The following CCSER1 variants were observed in gnomAD, a reference collection of about 807,000 sequenced individuals.
CCSER1 encodes serine-rich coiled-coil domain-containing protein 1.
Under a neutral mutation model 82.0 loss-of-function variants are expected in CCSER1, and 41 were observed. The observed-to-expected ratio is 0.50, with a 90% confidence interval of 0.39 to 0.65. The LOEUF (loss-of-function observed/expected upper bound fraction) is 0.65. Ranked by LOEUF, CCSER1 falls within the 30% of genes least tolerant of loss-of-function variation. CCSER1 has a pLI of 0.00. For synonymous variants in CCSER1, 414 were observed against 383.9 expected, an observed-to-expected ratio of 1.08 and a Z score of -0.92; for missense variants, 1,119 against 1,064.2, an observed-to-expected ratio of 1.05 and a Z score of -0.72.
At chr4:90,332,615 G>C (rs1364259612) in intron 3 of CCSER1, among the ~76,000 whole-genome samples, 1 of 152,096 alleles carries the variant, frequency 6.6e-6, no homozygotes, top group Non-Finnish European at 1.5e-5. Flanking sequence ...CCTTTAGATA[G>C]ATTTACAAAT....
chr4:90,363,892 A>G (rs975573982), intron 3 of CCSER1, among the ~76,000 whole-genome samples: 5 of 152,124 alleles, frequency 3.3e-5, no homozygotes, highest in Non-Finnish European at 7.4e-5. Context: ...ATGGGATTAT[A>G]TTCTGTAATG....
chr4:90,271,627 A>C lies in CCSER1; in HGVS notation c.-41-36617A>C, dbSNP rs546342667. On this transcript the variant is annotated intron_variant, in intron 1 of 10. Coordinates refer to ENST00000509176, the MANE Select transcript of CCSER1 (RefSeq NM_001145065.2). ...TCCACCAAGCACAGGCAACTAAAGC[A>C]AAAGTGGACGAATGAGATCACAACA... Among the ~76,000 whole-genome samples the C allele has an allele frequency of 1.6e-4, 24 of 151,852 alleles. No homozygotes were observed. In the East Asian group the frequency reaches 4.3e-3, roughly 27 times the overall value.
At chr4:90,232,452 C>T (rs1296186033) in intron 1 of CCSER1, among the ~76,000 whole-genome samples, 1 of 152,110 alleles carries the variant, frequency 6.6e-6, no homozygotes, top group East Asian at 1.9e-4. Context: ...CCCTTCCTTA[C>T]ACCTTATACA....
intron 3 of CCSER1, among the ~76,000 whole-genome samples, chr4:90,354,697 C>T (rs1365325844): frequency 6.6e-6 from 1 of 152,044 alleles, no homozygotes; most frequent in African/African-American, 2.4e-5. Flanking sequence ...TGATGGTTCT[C>T]GTGCTAGGTA....
At chr4:91,394,417 C>G (rs935854192) in intron 10 of CCSER1, among the ~76,000 whole-genome samples, 1 of 151,752 alleles carries the variant, frequency 6.6e-6, no homozygotes, top group Non-Finnish European at 1.5e-5. Context: ...TTAAATAGAA[C>G]AATTTGGCAA....
intron 1 of CCSER1, among the ~76,000 whole-genome samples, chr4:90,172,837 G>T (rs1731968983): frequency 6.6e-6 from 1 of 151,848 alleles, no homozygotes; most frequent in African/African-American, 2.4e-5. Flanking sequence ...GTGCCTGGTG[G>T]TATGGCTGGA....
chr4:91,026,422 C>A (rs1050783908), intron 9 of CCSER1, among the ~76,000 whole-genome samples: 5 of 152,026 alleles, frequency 3.3e-5, no homozygotes, highest in Non-Finnish European at 5.9e-5. Flanking sequence ...TTAAATCATT[C>A]CTTGAAGTTA....
chr4:91,155,232 A>G (rs1730696880), intron 10 of CCSER1, among the ~76,000 whole-genome samples: 2 of 151,798 alleles, frequency 1.3e-5, no homozygotes, highest in Non-Finnish European at 2.9e-5. Context: ...GAGGTAATTG[A>G]ATTATAGGGG....
chr4:91,078,491 G>C (rs1376437779), intron 9 of CCSER1, among the ~76,000 whole-genome samples: 1 of 152,210 alleles, frequency 6.6e-6, no homozygotes, highest in African/African-American at 2.4e-5. Flanking sequence ...GAGCAGAAAA[G>C]CTGAAAATTC....
chr4:90,301,028 C>T (rs1278682019), intron 1 of CCSER1, among the ~76,000 whole-genome samples: 1 of 151,848 alleles, frequency 6.6e-6, no homozygotes, highest in Admixed American at 6.6e-5. Context: ...GAGATGGGTT[C>T]TCCCTATGTT....
At chr4:91,578,402 A>G (rs1763557777) in intron 10 of CCSER1, among the ~76,000 whole-genome samples, 1 of 151,994 alleles carries the variant, frequency 6.6e-6, no homozygotes, top group Admixed American at 6.6e-5. Flanking sequence ...TATGTACTTA[A>G]TAAATGTATC....
In CCSER1 at chr4:91,345,544, A is replaced by T. The variant is rs963970481; in HGVS notation, c.2218-253028A>T. Among the ~76,000 whole-genome samples the T allele has an allele frequency of 1.1e-4, 16 of 147,648 alleles. 1 individual carries two copies. Among genetic ancestry groups the T allele is most frequent in the African/African-American group, 2.7e-5 (1 of 37,006 alleles). Reference sequence around the variant, plus strand: ...AATAGATTTTATTTTTTGTGTAGTTATAATTTATTTCTAAAATGAGCAGAA... The same window carrying T: ...AATAGATTTTATTTTTTGTGTAGTTTTAATTTATTTCTAAAATGAGCAGAA... On this transcript the variant is annotated intron_variant, in intron 10 of 10. Coordinates refer to ENST00000509176, the MANE Select transcript of CCSER1 (RefSeq NM_001145065.2).
At chr4:91,250,078 T>G (rs1394577487) in intron 10 of CCSER1, among the ~76,000 whole-genome samples, 1 of 152,212 alleles carries the variant, frequency 6.6e-6, no homozygotes, top group Non-Finnish European at 1.5e-5. Flanking sequence ...TTAAACTCTT[T>G]CTGCTTAGAA....
chr4:90,400,566 A>T (rs1004639616), intron 4 of CCSER1, among the ~76,000 whole-genome samples: 1 of 152,242 alleles, frequency 6.6e-6, no homozygotes, highest in Admixed American at 6.5e-5. Context: ...ATGTTGATGC[A>T]ATAAGGTTGA....
intron 7 of CCSER1, chr4:90,727,381 A>G (rs1743853261): frequency 4.6e-6 from 2 of 438,636 alleles, no homozygotes; most frequent in Non-Finnish European, 9.1e-6. Flanking sequence ...CTGATAAAAG[A>G]CAGTGGATTG....
At chr4:91,225,048 T>C (rs924763305) in intron 10 of CCSER1, among the ~76,000 whole-genome samples, 35 of 150,056 alleles carry the variant, frequency 2.3e-4, no homozygotes, top group Non-Finnish European at 4.3e-4. Flanking sequence ...AATTTCATAA[T>C]TTTATTTATA....
intron 8 of CCSER1, among the ~76,000 whole-genome samples, chr4:90,829,210 AC>A (rs1760841158): frequency 6.6e-6 from 1 of 152,128 alleles, no homozygotes; most frequent in Non-Finnish European, 1.5e-5. Flanking sequence ...AACCATGAAA[AC>A]TTTTCAAAAA....
chr4:90,867,928 T>C (rs1186404243), intron 8 of CCSER1, among the ~76,000 whole-genome samples: 2 of 152,104 alleles, frequency 1.3e-5, no homozygotes, highest in Non-Finnish European at 2.9e-5. Context: ...CATAACATTG[T>C]TTTTAATCTA....
chr4:90,366,006 C>T (rs969800453), intron 3 of CCSER1, among the ~76,000 whole-genome samples: 3 of 151,646 alleles, frequency 2.0e-5, no homozygotes, highest in Non-Finnish European at 3.0e-5. Flanking sequence ...CCAAATATTA[C>T]ATTTCAATGC....
Sources: allele counts gnomAD v4.1 joint callset (sites outside exome capture counted in the v4.1 genomes callset), GRCh38; gene constraint gnomAD v4.1.1; transcripts MANE v1.5; gene names NCBI Gene and HGNC (gene_info 2026-07-23, HGNC 2026-07-21).